PCDHAC1: variants seen among roughly 807,000 people sequenced by gnomAD.
The protein encoded by PCDHAC1 is protocadherin alpha subfamily C, 1, also known as protocadherin alpha-C1.
PCDHAC1 carries 42 observed loss-of-function variants against 60.0 expected under a neutral mutation model. The observed-to-expected ratio is 0.70, with a 90% CI of 0.55 to 0.90. The LOEUF (loss-of-function observed/expected upper bound fraction) is 0.90. Among genes scored for constraint, PCDHAC1 ranks in the 40% least tolerant of loss-of-function variants. PCDHAC1 has a pLI of 0.00. For missense variants in PCDHAC1, 1,160 were observed against 1,222.3 expected, an observed-to-expected ratio of 0.95 and a Z score of 0.76; for synonymous variants, 468 against 499.3, an observed-to-expected ratio of 0.94 and a Z score of 0.84.
Position 140,942,409 on chromosome 5 carries a change from T to TA in PCDHAC1, c.2433+13096dup, listed in dbSNP as rs78736997. On this transcript the variant is annotated intron_variant, in intron 1 of 3. Coordinates refer to ENST00000253807, the MANE Select transcript of PCDHAC1 (RefSeq NM_018898.5). Reference sequence around the variant, plus strand: ...CCTGGGCGACAGATGAGACTCTGTTTAAAAAAAAAAAAGATATCTAACAAT... The same window carrying TA: ...CCTGGGCGACAGATGAGACTCTGTTTAAAAAAAAAAAAAGATATCTAACAAT... Among the ~76,000 whole-genome samples, 1,256 of 143,596 alleles carry TA rather than the reference T, an allele frequency of 8.7e-3. 8 individuals are homozygous for TA. Among genetic ancestry groups the TA allele is most frequent in the African/African-American group, 0.03 (1,168 of 39,342 alleles). 94.2% of individuals were successfully genotyped at this position (143,596 alleles called of 152,430 possible).
At chr5:140,986,694 C>T (rs556228464) in intron 3 of PCDHAC1, among the ~76,000 whole-genome samples, 1 of 152,266 alleles carries the variant, frequency 6.6e-6, no homozygotes, top group South Asian at 2.1e-4. Context: ...TTTCAAAACA[C>T]ACAGCACTGC....
intron 1 of PCDHAC1, among the ~76,000 whole-genome samples, chr5:140,935,340 C>T (rs781819548): frequency 3.3e-5 from 5 of 152,172 alleles, no homozygotes; most frequent in African/African-American, 7.2e-5. Context: ...TTCTCCCATA[C>T]GTCAAATCCC....
At chr5:141,000,429 T>A (rs1327595966) in intron 3 of PCDHAC1, among the ~76,000 whole-genome samples, 40 of 124,862 alleles carry the variant, frequency 3.2e-4, no homozygotes, top group African/African-American at 1.1e-3. Flanking sequence ...ATATTTTTTT[T>A]TTTTTTTTTT....
intron 1 of PCDHAC1, chr5:140,966,556 A>C (rs2096021446): frequency 8.5e-6 from 4 of 469,720 alleles, no homozygotes; most frequent in Admixed American, 8.7e-5. Context: ...CGAGCGGAGG[A>C]GCTGGAATAT....
intron 1 of PCDHAC1, chr5:140,929,567 A>G (rs566554100): frequency 7.2e-5 from 33 of 456,594 alleles, no homozygotes; most frequent in Admixed American, 1.2e-4. Flanking sequence ...ATTTAAGAAC[A>G]ATAAAAGTAA....
At chr5:140,985,519 C>G (rs945399310) in intron 3 of PCDHAC1, among the ~76,000 whole-genome samples, 7 of 152,120 alleles carry the variant, frequency 4.6e-5, no homozygotes, top group African/African-American at 1.7e-4. Flanking sequence ...TTCTGTTGCC[C>G]TTAAAGCTTC....
At chr5:140,969,661 G>A (rs2096351521) in intron 1 of PCDHAC1, among the ~76,000 whole-genome samples, 2 of 152,166 alleles carry the variant, frequency 1.3e-5, no homozygotes, top group Non-Finnish European at 2.9e-5. Context: ...GTTTTAGGGA[G>A]TAATGTTATG....
intron 3 of PCDHAC1, among the ~76,000 whole-genome samples, chr5:140,983,513 CTG>C (rs1165213074): frequency 6.6e-6 from 1 of 152,196 alleles, no homozygotes; most frequent in Non-Finnish European, 1.5e-5. Context: ...TGCCTAGACA[CTG>C]TGCCAAGTAC....
intron 1 of PCDHAC1, among the ~76,000 whole-genome samples, chr5:140,931,140 G>C (rs1176305397): frequency 6.6e-6 from 1 of 152,070 alleles, no homozygotes; most frequent in African/African-American, 2.4e-5. Context: ...TATTTGCAGT[G>C]GATACTATTT....
In PCDHAC1 at chr5:141,007,395, CAAAAAAAAA is replaced by C. The variant is rs35800918; in HGVS notation, c.2582-2217_2582-2209del. 1.6e-4 allele frequency among the ~76,000 whole-genome samples: 15 copies of C among 94,844 alleles called. No individual in the cohort carries two copies. The East Asian group carries it at 2.4e-3, about 15-fold the overall frequency. The allele number at this position is 94,844 out of a possible 152,430, so 62.2% of individuals were successfully genotyped here. A position where few individuals can be genotyped will look rare whatever the true frequency, so the allele number is the denominator to read the frequency against. On this transcript the variant is annotated intron_variant, in intron 3 of 3. Transcript: ENST00000253807. The stretch of plus-strand genomic sequence containing the variant: ...ATGGAACACCATCTCTACTAAAATA[CAAAAAAAAA>C]AAAAAAAAAAAAAATTAGCCAGGCA...
chr5:140,954,487 A>T (rs1585567544), intron 1 of PCDHAC1, among the ~76,000 whole-genome samples: 1 of 152,120 alleles, frequency 6.6e-6, no homozygotes, highest in African/African-American at 2.4e-5. Flanking sequence ...AAGATATTTC[A>T]TTGTGGTTTT....
chr5:140,973,167 C>A (rs554202231), intron 1 of PCDHAC1, among the ~76,000 whole-genome samples: 44 of 152,284 alleles, frequency 2.9e-4, no homozygotes, highest in Admixed American at 2.4e-3. Context: ...TTTGTAGTCA[C>A]CAAACCTTCA....
At chr5:140,934,738 C>T (rs1342430086) in intron 1 of PCDHAC1, among the ~76,000 whole-genome samples, 1 of 152,078 alleles carries the variant, frequency 6.6e-6, no homozygotes, top group Admixed American at 6.5e-5. Flanking sequence ...TTTTAGGTGT[C>T]ATTATGAACT....
Position 140,928,746 on chromosome 5 carries a change from C to G in PCDHAC1, c.1854C>G (p.Leu618=), listed in dbSNP as rs782813323. ...LFRISANIGE[L]RTARLVLPTD... ...GAATTTCAGCCAATATAGGTGAGCT[C>G]CGTACTGCTCGCTTAGTTCTTCCCA... The change falls in exon 1 of 4, where the codon CTC becomes CTG. Residue 618 remains leucine (L), a synonymous_variant. Coordinates refer to ENST00000253807, the MANE Select transcript of PCDHAC1 (RefSeq NM_018898.5). 1.2e-6 allele frequency: 2 copies of G among 1,614,012 alleles called. No homozygotes were observed. The highest frequency in any genetic ancestry group is 1.7e-6 in the Non-Finnish European group (2 of 1,180,042).
chr5:140,928,243 G>A lies in PCDHAC1; in HGVS notation c.1351G>A (p.Glu451Lys). 1 of 1,614,202 alleles carries A rather than the reference G, an allele frequency of 6.2e-7. No individual in the cohort carries two copies. The highest frequency in any genetic ancestry group is 1.1e-5 in the South Asian group (1 of 91,084). Reference protein sequence around the residue: ...NTPNFPQPQQELFVAENNGPG... With the variant: ...NTPNFPQPQQKLFVAENNGPG... Reference sequence around the variant, plus strand: ...ACCAAACTTTCCTCAACCCCAGCAGGAACTTTTCGTTGCTGAAAACAATGG... The same window carrying A: ...ACCAAACTTTCCTCAACCCCAGCAGAAACTTTTCGTTGCTGAAAACAATGG... The change falls in exon 1 of 4, where the codon GAA becomes AAA. Residue 451 changes from glutamate (E) to lysine (K), a missense_variant. This residue lies in a region of PCDHAC1 where 1,113 missense variants were observed against 1,163.7 expected (regional missense o/e 0.96). Coordinates refer to ENST00000253807, the MANE Select transcript of PCDHAC1 (RefSeq NM_018898.5).
chr5:140,993,630 C>T (rs1305182880), intron 3 of PCDHAC1, among the ~76,000 whole-genome samples: 2 of 152,054 alleles, frequency 1.3e-5, no homozygotes, highest in South Asian at 4.2e-4. Flanking sequence ...TATATATAGT[C>T]GTGTACCAAA....
intron 3 of PCDHAC1, among the ~76,000 whole-genome samples, chr5:140,987,959 C>T (rs1222591572): frequency 1.3e-5 from 2 of 152,132 alleles, no homozygotes; most frequent in South Asian, 2.1e-4. Context: ...AAACCAACTC[C>T]CCATGGAAAG....
chr5:140,991,981 T>C (rs2097483028), intron 3 of PCDHAC1, among the ~76,000 whole-genome samples: 1 of 152,008 alleles, frequency 6.6e-6, no homozygotes, highest in South Asian at 2.1e-4. Flanking sequence ...TTATTCTGCC[T>C]ACCACCCGGT....
chr5:140,998,195 A>C (rs1409926168), intron 3 of PCDHAC1, among the ~76,000 whole-genome samples: 6 of 152,164 alleles, frequency 3.9e-5, no homozygotes, highest in African/African-American at 1.2e-4. Flanking sequence ...ACAAGTATTA[A>C]CTCCTTTAAT....
Sources: gnomAD v4.1 joint callset for allele counts (sites outside exome capture counted in the v4.1 genomes callset) on GRCh38, gnomAD v4.1.1 for gene constraint, gnomAD v4.1.1 regional missense constraint, MANE v1.5 for transcripts, NCBI Gene and HGNC (gene_info 2026-07-23, HGNC 2026-07-21) for gene names.